ATG2B: variants seen among roughly 807,000 people sequenced by gnomAD.
ATG2B encodes autophagy related 2B, also known as autophagy-related protein 2 homolog B.
ATG2B carries 121 observed loss-of-function variants against 241.3 expected under a neutral mutation model. The ratio of observed to expected loss-of-function variants is 0.50; its 90% confidence interval spans 0.43 to 0.58. ATG2B has a LOEUF of 0.58. ATG2B is among the 20% of genes least tolerant of loss of function. ATG2B has a pLI of 0.00. For missense variants in ATG2B, 2,306 were observed against 2,491.6 expected (o/e 0.93, Z 1.59); for synonymous variants, 858 against 876.6 (o/e 0.98, Z 0.37).
chr14:96,354,675 C>T (rs1020584548), intron 1 of ATG2B, among the ~76,000 whole-genome samples: 1 of 152,168 alleles, frequency 6.6e-6, no homozygotes, highest in African/African-American at 2.4e-5. Flanking sequence ...ATTTCTGCCT[C>T]TAGGTCTCTG....
intron 1 of ATG2B, among the ~76,000 whole-genome samples, chr14:96,357,758 T>G (rs962550466): frequency 1.3e-5 from 2 of 152,234 alleles, no homozygotes; most frequent in East Asian, 3.9e-4. Flanking sequence ...AAAAGGTAAG[T>G]AGAACTGCTT....
At chr14:96,342,799 A>G (rs1888076849) in intron 5 of ATG2B, among the ~76,000 whole-genome samples, 1 of 151,848 alleles carries the variant, frequency 6.6e-6, no homozygotes, top group African/African-American at 2.4e-5. Flanking sequence ...ATACCTCATT[A>G]TGTCTATAAA....
At chr14:96,343,094 T>C (rs747958199) in intron 5 of ATG2B, 25 bp downstream of exon 5, 1 of 1,515,184 alleles carries the variant, frequency 6.6e-7, no homozygotes, top group African/African-American at 1.4e-5. Flanking sequence ...ATGATTATGG[T>C]TTTAGGGTTT....
chr14:96,347,258 T>C lies in ATG2B; in HGVS notation c.246A>G (p.Pro82=), dbSNP rs748198435. The stretch of plus-strand genomic sequence containing the variant: ...AATTATCCTGCAGTAAAGAGCCCCA[T>C]GGAACTGACAGGGAAATTGACTGAA... The part of the protein sequence containing the change: ...GFIQSISLSV[P]WGSLLQDNCA... The change falls in exon 2 of 42, where the codon CCA becomes CCG. Residue 82 remains proline, a synonymous_variant. Transcript: ENST00000359933. 4 of 1,612,130 alleles carry C rather than the reference T, an allele frequency of 2.5e-6. No homozygotes were observed. The highest frequency in any genetic ancestry group is 3.4e-6 in the Non-Finnish European group (4 of 1,178,448).
chr14:96,346,109 G>C (rs972381080), intron 2 of ATG2B, among the ~76,000 whole-genome samples: 2 of 152,138 alleles, frequency 1.3e-5, no homozygotes, highest in African/African-American at 4.8e-5. Flanking sequence ...TTCTAGCTGA[G>C]AAAATTAACA....
intron 34 of ATG2B, among the ~76,000 whole-genome samples, 169 bp downstream of exon 34, chr14:96,301,838 T>C (rs1448668305): frequency 1.3e-5 from 2 of 152,146 alleles, no homozygotes; most frequent in Non-Finnish European, 2.9e-5. Context: ...GACTCAGCCA[T>C]AGTTCAGATT....
intron 15 of ATG2B, among the ~76,000 whole-genome samples, 171 bp downstream of exon 15, chr14:96,325,478 A>G (rs746760281): frequency 3.3e-5 from 5 of 152,192 alleles, no homozygotes; most frequent in Non-Finnish European, 5.9e-5. Flanking sequence ...AAAATTACCT[A>G]TATCACATAT....
chr14:96,280,017 C>T lies in ATG2B; in HGVS notation c.*5738G>A, dbSNP rs1886155907. ...TGCTTTAATCAGTGTTGACTGTGGCCTGTGGTGCAGCATTTATAGAAAGAA... is the reference window on the plus strand; with the variant it reads ...TGCTTTAATCAGTGTTGACTGTGGCTTGTGGTGCAGCATTTATAGAAAGAA... On this transcript the variant is annotated 3_prime_UTR_variant, in exon 42 of 42. Coordinates refer to ENST00000359933, the MANE Select transcript of ATG2B (RefSeq NM_018036.7). The T allele has an allele frequency of 1.3e-5, 2 of 152,260 alleles. No individual in the cohort carries two copies. The highest frequency in any genetic ancestry group is 2.9e-5 in the Non-Finnish European group (2 of 68,144). The allele number at this position is 152,260 out of a possible 1,614,324, so 9.4% of individuals were successfully genotyped here. A position where few individuals can be genotyped will look rare whatever the true frequency, so the allele number is the denominator to read the frequency against.
At chr14:96,295,723 C>CCA (rs1595294549) in intron 34 of ATG2B, among the ~76,000 whole-genome samples, 163 bp from the exon 35 acceptor site, 2 of 29,676 alleles carry the variant, frequency 6.7e-5, no homozygotes, top group Admixed American at 2.8e-4. Context: ...TATTCTTCCC[C>CCA]CCACCACACA....
chr14:96,296,632 G>A (rs1237549997), intron 34 of ATG2B, among the ~76,000 whole-genome samples: 1 of 151,724 alleles, frequency 6.6e-6, no homozygotes, highest in Admixed American at 6.6e-5. Flanking sequence ...GTGGTGGCAG[G>A]TGCCTATAAT....
chr14:96,361,788 C>A lies in ATG2B; in HGVS notation c.162+1027G>T, dbSNP rs867653749. ...TGCTCTCAAACCAGGGCTCTTTCCA[C>A]TATCTTGTGTCCTCTCCCTAGTTTA... is the stretch of plus-strand genomic sequence containing the variant. On this transcript the variant is annotated intron_variant, in intron 1 of 41. Coordinates refer to ENST00000359933, the MANE Select transcript of ATG2B (RefSeq NM_018036.7). Among the ~76,000 whole-genome samples the A allele has an allele frequency of 2.0e-5, 3 of 152,248 alleles. No individual in the cohort carries two copies. The Middle Eastern group carries it at 0.01, about 518-fold the overall frequency.
chr14:96,304,615 CAAA>C lies in ATG2B; in HGVS notation c.4734-15_4734-13del, dbSNP rs34674555. The C allele has an allele frequency of 0.012, 14,151 of 1,206,192 alleles. 134 individuals carry two copies. The highest frequency in any genetic ancestry group is 0.081 in the South Asian group (5,450 of 66,928). The allele number at this position is 1,206,192 out of a possible 1,614,324, so 74.7% of individuals were successfully genotyped here. On this transcript the variant is annotated splice_polypyrimidine_tract_variant and intron_variant, in intron 31 of 41. Transcript: ENST00000359933. ...AACTGTGGGGACTACTAAAAATGAGCAAAAAAAAAAAAAACCCTTTTGTTAAAG... is the reference window on the plus strand; with the variant it reads ...AACTGTGGGGACTACTAAAAATGAGCAAAAAAAAAAACCCTTTTGTTAAAG...
At position 96,329,535 on chromosome 14, in the gene ATG2B, CA is replaced by C; in HGVS notation, c.1829del (p.Leu610TrpfsTer20). 1 of 1,612,656 alleles carries C rather than the reference CA, an allele frequency of 6.2e-7. No individual in the cohort carries two copies. Among genetic ancestry groups the C allele is most frequent in the Non-Finnish European group, 8.5e-7 (1 of 1,179,070 alleles). ...TDMSIGQMEF[L>X]ECLFPTDFHS... is the part of the protein sequence containing the mutation. The stretch of plus-strand genomic sequence containing the variant: ...GAAAATCAGTTGGAAATAGGCACTC[CA>C]AAAATTCCATTTGCCCAATGGACAT... On this transcript the variant is annotated frameshift_variant, in exon 12 of 42. Transcript: ENST00000359933. LOFTEE classifies it high-confidence loss of function.
chr14:96,352,140 A>C (rs1335127615), intron 1 of ATG2B, among the ~76,000 whole-genome samples: 1 of 152,146 alleles, frequency 6.6e-6, no homozygotes, highest in Non-Finnish European at 1.5e-5. Context: ...GAGCTGAAAA[A>C]TTCCTATCAC....
chr14:96,317,084 C>G, intron 20 of ATG2B, 61 bp downstream of exon 20: 1 of 1,402,680 alleles, frequency 7.1e-7, no homozygotes, highest in Non-Finnish European at 9.8e-7. Context: ...GATATGTATC[C>G]TAGCAGATTT....
intron 18 of ATG2B, among the ~76,000 whole-genome samples, chr14:96,319,172 GGACTGAGGATTGT>G (rs1887395228): frequency 6.6e-6 from 1 of 152,178 alleles, no homozygotes; most frequent in South Asian, 2.1e-4. Context: ...GTGTACACCA[GGACTGAGGATTGT>G]GACTCTCAGG....
chr14:96,308,422 TG>T (rs1887062231), intron 29 of ATG2B, among the ~76,000 whole-genome samples: 1 of 146,804 alleles, frequency 6.8e-6, no homozygotes, highest in African/African-American at 2.5e-5. Flanking sequence ...CCCAAGTATC[TG>T]GGACTATAGG....
At chr14:96,308,282 A>ATATAT (rs1566720002) in intron 29 of ATG2B, among the ~76,000 whole-genome samples, 1 of 37,036 alleles carries the variant, frequency 2.7e-5, no homozygotes, top group East Asian at 6.8e-4. Context: ...ATATATATAT[A>ATATAT]TTTTTTTTTT....
chr14:96,304,716 C>A, intron 31 of ATG2B, 113 bp from the exon 32 acceptor site: 1 of 769,478 alleles, frequency 1.3e-6, no homozygotes, highest in Non-Finnish European at 2.0e-6. Context: ...GAGTACAGAG[C>A]TATCAGAACG....
Sources: gnomAD v4.1 joint callset for allele counts (sites outside exome capture counted in the v4.1 genomes callset) on GRCh38, gnomAD v4.1.1 for gene constraint, MANE v1.5 for transcripts, NCBI Gene and HGNC (gene_info 2026-07-23, HGNC 2026-07-21) for gene names.